MEF2A: variants seen among roughly 807,000 people sequenced by gnomAD.
MEF2A encodes myocyte-specific enhancer factor 2A.
A neutral mutation model predicts 55.8 loss-of-function variants in MEF2A; 28 were observed. That is an observed-to-expected ratio of 0.50 (90% CI 0.37 to 0.69). The LOEUF (loss-of-function observed/expected upper bound fraction) is 0.69, where lower values mean the gene tolerates loss of function less well. Ranked by LOEUF, MEF2A falls within the 30% of genes least tolerant of loss-of-function variation. MEF2A has a pLI of 0.00. For missense variants in MEF2A, 528 were observed against 626.2 expected (o/e 0.84, Z 1.67); for synonymous variants, 239 against 227.1 (o/e 1.05, Z -0.47).
At chr15:99,573,262 C>A (rs986503675) in intron 1 of MEF2A, among the ~76,000 whole-genome samples, 1 of 145,298 alleles carries the variant, frequency 6.9e-6, no homozygotes, top group Non-Finnish European at 1.5e-5. Flanking sequence ...GCACTCCAGC[C>A]TGGGCAACAG....
intron 2 of MEF2A, among the ~76,000 whole-genome samples, chr15:99,627,417 C>T (rs532257232): frequency 1.0e-4 from 6 of 57,214 alleles, no homozygotes; most frequent in Non-Finnish European, 1.6e-4. Flanking sequence ...GAGACTTTAT[C>T]TCAAAAAAAA....
At chr15:99,639,094 G>GGT (rs1474657201) in intron 3 of MEF2A, among the ~76,000 whole-genome samples, 1 of 152,058 alleles carries the variant, frequency 6.6e-6, no homozygotes, top group East Asian at 1.9e-4. Context: ...AGGTTCCAAA[G>GGT]GTAGAGTACA....
intron 8 of MEF2A, among the ~76,000 whole-genome samples, chr15:99,691,764 A>G (rs2055519490): frequency 6.6e-6 from 1 of 152,166 alleles, no homozygotes; most frequent in African/African-American, 2.4e-5. Flanking sequence ...AAAGCACACA[A>G]ACTTGAGTGA....
At chr15:99,655,157 C>T (rs977589576) in intron 4 of MEF2A, among the ~76,000 whole-genome samples, 14 of 152,090 alleles carry the variant, frequency 9.2e-5, no homozygotes, top group Non-Finnish European at 2.9e-5. Flanking sequence ...GTGGTATTTG[C>T]ATAGGGATAG....
chr15:99,636,501 A>AG (rs146132866), intron 3 of MEF2A, among the ~76,000 whole-genome samples: 5,004 of 152,160 alleles, frequency 0.033, 95 homozygotes, highest in Middle Eastern at 0.12. Flanking sequence ...ATGTACCACT[A>AG]GGGCCGACCC....
At chr15:99,705,168 A>G (rs2057883867) in intron 9 of MEF2A, among the ~76,000 whole-genome samples, 1 of 152,242 alleles carries the variant, frequency 6.6e-6, no homozygotes, top group South Asian at 2.1e-4. Context: ...TGGGGCCTGC[A>G]CTAAAGACTG....
At chr15:99,624,160 G>A (rs1445757428) in intron 2 of MEF2A, among the ~76,000 whole-genome samples, 1 of 152,122 alleles carries the variant, frequency 6.6e-6, no homozygotes, top group African/African-American at 2.4e-5. Flanking sequence ...TGTTGATAGT[G>A]CCGTTTGATG....
intron 2 of MEF2A, among the ~76,000 whole-genome samples, chr15:99,602,724 GTGTGT>G (rs1973687555): frequency 3.4e-5 from 2 of 59,518 alleles, no homozygotes. Flanking sequence ...TTTTGTGTGT[GTGTGT>G]GGGGGGGTGG....
rs2057261829 is a variant in MEF2A at position 99,700,516 on chromosome 15, AC to A, written c.859-2845del. 5.9e-5 allele frequency among the ~76,000 whole-genome samples: 9 copies of A among 152,096 alleles called. No homozygotes were observed. In the South Asian group the frequency reaches 1.5e-3, roughly 25 times the overall value. ...GACACAGCGAGACCCTGTCACACACACACAAAAAAGGTACAGTTGTGTGTAC... is the reference window on the plus strand; with the variant it reads ...GACACAGCGAGACCCTGTCACACACAACAAAAAAGGTACAGTTGTGTGTAC... On this transcript the variant is annotated intron_variant, in intron 8 of 11. Transcript: ENST00000557942.
intron 5 of MEF2A, chr15:99,671,670 G>C: frequency 6.4e-7 from 1 of 1,558,152 alleles, no homozygotes; most frequent in South Asian, 1.2e-5. Context: ...GAGTACTAAA[G>C]TATGGTTTGT....
Position 99,715,240 on chromosome 15 carries a change from A to G in MEF2A, c.*2469A>G, listed in dbSNP as rs774397524. The G allele has an allele frequency of 6.6e-6, 1 of 152,194 alleles. No individual in the cohort carries two copies. The highest frequency in any genetic ancestry group is 2.4e-5 in the African/African-American group (1 of 41,442). 9.4% of individuals were successfully genotyped at this position (152,194 alleles called of 1,614,324 possible). ...GTGATTCCTTCGTTATTATTTATGC[A>G]TGTTCATGAACTTCTGCTGTACATT... On this transcript the variant is annotated 3_prime_UTR_variant, in exon 12 of 12. Transcript: ENST00000557942.
chr15:99,662,221 TTTGAC>T (rs2153575660), intron 4 of MEF2A, among the ~76,000 whole-genome samples: 1 of 152,292 alleles, frequency 6.6e-6, no homozygotes, highest in East Asian at 1.9e-4. Flanking sequence ...GGTCTATTTT[TTTGAC>T]TTGATTGAAA....
chr15:99,677,653 T>C (rs1049530806), intron 7 of MEF2A, among the ~76,000 whole-genome samples: 1 of 152,104 alleles, frequency 6.6e-6, no homozygotes, highest in African/African-American at 2.4e-5. Flanking sequence ...AAGCAGTATT[T>C]GAAGAGATAA....
chr15:99,569,886 A>T (rs1272909603), intron 1 of MEF2A, among the ~76,000 whole-genome samples: 1 of 152,036 alleles, frequency 6.6e-6, no homozygotes, highest in African/African-American at 2.4e-5. Flanking sequence ...GCCTTATAAT[A>T]AATGGACCTT....
At chr15:99,616,576 A>G (rs542019385) in intron 2 of MEF2A, among the ~76,000 whole-genome samples, 1 of 152,222 alleles carries the variant, frequency 6.6e-6, no homozygotes, top group Non-Finnish European at 1.5e-5. Flanking sequence ...GCAATTAAGC[A>G]TAGTATTAAC....
intron 7 of MEF2A, among the ~76,000 whole-genome samples, chr15:99,681,358 G>C (rs1044657978): frequency 6.6e-6 from 1 of 152,200 alleles, no homozygotes; most frequent in Middle Eastern, 3.2e-3. Context: ...GCGGAGGACA[G>C]CAGTAGTTGA....
chr15:99,709,812 G>A (rs542125950), intron 10 of MEF2A, among the ~76,000 whole-genome samples: 1 of 152,266 alleles, frequency 6.6e-6, no homozygotes, highest in East Asian at 1.9e-4. Flanking sequence ...GTATACTCTA[G>A]GACACCGAGT....
chr15:99,616,425 C>T (rs2040201061), intron 2 of MEF2A, among the ~76,000 whole-genome samples: 2 of 151,916 alleles, frequency 1.3e-5, no homozygotes, highest in Non-Finnish European at 1.5e-5. Flanking sequence ...TCTGTTTCTT[C>T]CTTAGTTTTG....
rs150324652 is a variant in MEF2A, at chr15:99,619,937, G to C, written c.-142-13041G>C. On this transcript the variant is annotated intron_variant, in intron 2 of 11. Coordinates refer to ENST00000557942, the MANE Select transcript of MEF2A (RefSeq NM_001319206.4). ...TGTGAAGAAAGAGTAACTGGAAATT[G>C]CACAAGATAGTAAAGTAGAAGCAAC... Among the ~76,000 whole-genome samples, 133 of 152,266 alleles carry C rather than the reference G, an allele frequency of 8.7e-4. 1 individual carries two copies. The highest frequency in any genetic ancestry group is 3.1e-3 in the African/African-American group (127 of 41,554).
Sources: gnomAD v4.1 joint callset for allele counts (sites outside exome capture counted in the v4.1 genomes callset) on GRCh38, gnomAD v4.1.1 for gene constraint, MANE v1.5 for transcripts, NCBI Gene and HGNC (gene_info 2026-07-23, HGNC 2026-07-21) for gene names.